The following AHNAK2 variants were observed in gnomAD, a reference collection of about 807,000 sequenced individuals.
AHNAK2 encodes the protein protein AHNAK2.
In AHNAK2, 18 loss-of-function variants were observed where a neutral mutation model predicts 30.7. That is an observed-to-expected ratio of 0.59 (90% CI 0.41 to 0.87). The LOEUF is 0.87. Among genes scored for constraint, AHNAK2 ranks in the 40% least tolerant of loss-of-function variants. AHNAK2 has a pLI of 0.00. For missense variants in AHNAK2, 8,604 were observed against 7,373.0 expected, an observed-to-expected ratio of 1.17 and a Z score of -6.11; for synonymous variants, 3,590 against 3,073.8, an observed-to-expected ratio of 1.17 and a Z score of -5.56.
chr14:104,940,383 A>G lies in AHNAK2; in HGVS notation c.15068T>C (p.Met5023Thr). The G allele has an allele frequency of 6.2e-7, 1 of 1,613,870 alleles. No individual in the cohort carries two copies. Among genetic ancestry groups the G allele is most frequent in the Non-Finnish European group, 8.5e-7 (1 of 1,179,868 alleles). ...KGRSTKPGFAMPKLALPKMKA... is the reference protein window; with the variant it reads ...KGRSTKPGFATPKLALPKMKA... ...CATTTTGGGAAGTGCAAGTTTTGGC[A>G]TGGCAAAGCCAGGCTTTGTGCTCCT... Residue 5023 changes from methionine to threonine, a missense_variant, in exon 7 of 7, where the codon ATG (methionine) becomes ACG (threonine). Coordinates refer to ENST00000333244, the MANE Select transcript of AHNAK2 (RefSeq NM_138420.4). The surrounding 1 kb of genome is among the most constrained non-coding windows in gnomAD (Gnocchi z 4.4).
chr14:104,973,471 C>T (rs1899526441), intron 1 of AHNAK2, among the ~76,000 whole-genome samples: 1 of 152,204 alleles, frequency 6.6e-6, no homozygotes, highest in Non-Finnish European at 1.5e-5. Flanking sequence ...AGGCTGTGGC[C>T]CTAAACAAAG....
rs1427200170 is a variant in AHNAK2, at chr14:104,950,379, T to G, written c.5072A>C (p.Asp1691Ala). 2.5e-6 allele frequency: 4 copies of G among 1,585,794 alleles called. 1 individual carries two copies. The African/African-American group carries it at 5.5e-5, about 22-fold the overall frequency. Residue 1691 changes from aspartate (D) to alanine (A), a missense_variant, in exon 7 of 7, where the codon GAT becomes GCT. Coordinates refer to ENST00000333244, the MANE Select transcript of AHNAK2 (RefSeq NM_138420.4). ...VDVSEPKVEA[D>A]VSLPSMQGDL... ...CCCCTGCATGGAGGGGAGGCTCACA[T>G]CAGCTTCCACCTTCGGCTCAGACAC...
In AHNAK2 at chr14:104,946,749, A is replaced by T. The variant is rs1192316467; in HGVS notation, c.8702T>A (p.Met2901Lys). 6.2e-7 allele frequency: 1 copy of T among 1,612,534 alleles called. No individual in the cohort carries two copies. The highest frequency in any genetic ancestry group is 8.5e-7 in the Non-Finnish European group (1 of 1,179,460). Residue 2901 changes from methionine to lysine, a missense_variant, in exon 7 of 7, where the codon ATG becomes AAG. Transcript: ENST00000333244. ...CACTTTGGGCATCTTGAAACTGGGC[A>T]TCTGCACCTTGGGCAGGTGCCCTTT... ...GLKGHLPKVQ[M>K]PSFKMPKVDL...
At position 104,946,486 on chromosome 14, in the gene AHNAK2, C is replaced by G. The variant is rs372969166; in HGVS notation, c.8965G>C (p.Gly2989Arg). 230 of 1,611,910 alleles carry G rather than the reference C, an allele frequency of 1.4e-4. 1 individual carries two copies. Among genetic ancestry groups the G allele is most frequent in the Non-Finnish European group, 1.9e-4 (222 of 1,179,278 alleles). The change falls in exon 7 of 7, where the codon GGG becomes CGG. Residue 2989 changes from glycine (G) to arginine (R), a missense_variant. Transcript: ENST00000333244. ...ATGGACTTGCCTGGGGCAGACACCC[C>G]GAACGACGGCATCTTGAACTTGGGC... The part of the protein sequence containing the change: ...KMPKFKMPSF[G>R]VSAPGKSIEV...
intron 1 of AHNAK2, among the ~76,000 whole-genome samples, chr14:104,965,246 C>A (rs1275110098): frequency 6.6e-6 from 1 of 151,796 alleles, no homozygotes; most frequent in Non-Finnish European, 1.5e-5. Flanking sequence ...ACTAAAAATA[C>A]AAAAATTAGC....
Position 104,944,700 on chromosome 14 carries a change from T to TC in AHNAK2, c.10750dup (p.Asp3584GlyfsTer45). The TC allele has an allele frequency of 6.2e-7, 1 of 1,612,548 alleles. No individual in the cohort carries two copies. The highest frequency in any genetic ancestry group is 8.5e-7 in the Non-Finnish European group (1 of 1,179,450). ...CACTTCTGCCTTGGGGCCTTTCAGG[T>TC]CCAGCTTGGGGCCCTTAACATCTAT... On this transcript the variant is annotated frameshift_variant, in exon 7 of 7. Transcript: ENST00000333244. LOFTEE classifies it low-confidence loss of function (END_TRUNC).
In AHNAK2 at chr14:104,941,127, G is replaced by C. The variant is rs1355070969; in HGVS notation, c.14324C>G (p.Thr4775Ser). 1.4e-5 allele frequency: 22 copies of C among 1,613,520 alleles called. No homozygotes were observed. Among genetic ancestry groups the C allele is most frequent in the Non-Finnish European group, 1.9e-5 (22 of 1,179,904 alleles). The change falls in exon 7 of 7, where the codon ACT becomes AGT. Residue 4775 changes from threonine to serine, a missense_variant. Coordinates refer to ENST00000333244, the MANE Select transcript of AHNAK2 (RefSeq NM_138420.4). ...AGFPSSRLDL[T>S]GPHFESSILS... ...AATAGAAGATTCAAAGTGAGGACCA[G>C]TGAGATCAAGCCGGGATGATGGAAA... is the stretch of plus-strand genomic sequence containing the variant.
In AHNAK2 at chr14:104,948,555, C is replaced by T. The variant is rs367959314; in HGVS notation, c.6896G>A (p.Arg2299Gln). The T allele has an allele frequency of 1.5e-4, 245 of 1,612,016 alleles. 3 individuals are homozygous for T. In the South Asian group the frequency reaches 1.8e-3, roughly 12 times the overall value. Residue 2299 changes from arginine (R) to glutamine (Q), a missense_variant, in exon 7 of 7, where the codon CGG becomes CAG. Transcript: ENST00000333244. ...GGCCAGGGACATGTCCCCCTCCAGC[C>T]GCGCACCATCCAGCTTGGCTCCTGG... is the stretch of plus-strand genomic sequence containing the variant. ...KAPGAKLDGARLEGDMSLADK... is the reference protein window; with the variant it reads ...KAPGAKLDGAQLEGDMSLADK...
chr14:104,945,408 T>C lies in AHNAK2; in HGVS notation c.10043A>G (p.Gln3348Arg). 1 of 1,613,110 alleles carries C rather than the reference T, an allele frequency of 6.2e-7. No individual in the cohort carries two copies. Residue 3348 changes from glutamine to arginine, a missense_variant, in exon 7 of 7, where the codon CAG becomes CGG. Coordinates refer to ENST00000333244, the MANE Select transcript of AHNAK2 (RefSeq NM_138420.4). ...GAGGTCAGTGGTCTTGAGGTCCCCC[T>C]GCATGGAGGGGAGGCTCACGTCGGC... ...AEADVSLPSMQGDLKTTDLSI... is the reference protein window; with the variant it reads ...AEADVSLPSMRGDLKTTDLSI...
At position 104,951,005 on chromosome 14, in the gene AHNAK2, G is replaced by C. The variant is rs373017489; in HGVS notation, c.4446C>G (p.Ala1482=). Reference sequence around the variant, plus strand: ...TGTCTTTGGTAGTCAAGTCCTTGTCGGCCAGGGACATGTCCTCCTCCAGCC... The same window carrying C: ...TGTCTTTGGTAGTCAAGTCCTTGTCCGCCAGGGACATGTCCTCCTCCAGCC... ...GGRLEEDMSL[A]DKDLTTKDSK... is the part of the protein sequence containing the mutation. Residue 1482 remains alanine, a synonymous_variant, in exon 7 of 7, where the codon GCC becomes GCG. Coordinates refer to ENST00000333244, the MANE Select transcript of AHNAK2 (RefSeq NM_138420.4). 7 of 1,062,080 alleles carry C rather than the reference G, an allele frequency of 6.6e-6. 2 individuals carry two copies. Among genetic ancestry groups the C allele is most frequent in the African/African-American group, 2.9e-5 (2 of 68,294 alleles). 65.8% of individuals were successfully genotyped at this position (1,062,080 alleles called of 1,614,324 possible). A position where few individuals can be genotyped will look rare whatever the true frequency, so the allele number is the denominator to read the frequency against.
chr14:104,946,528 C>T lies in AHNAK2; in HGVS notation c.8923G>A (p.Asp2975Asn). The T allele has an allele frequency of 6.2e-7, 1 of 1,612,540 alleles. No individual in the cohort carries two copies. The highest frequency in any genetic ancestry group is 2.2e-5 in the East Asian group (1 of 44,736). Reference sequence around the variant, plus strand: ...AACTTGGGCATTTTGAACTTGCTGTCTTTGGCAGTCACATCCTTGTCGGCC... The same window carrying T: ...AACTTGGGCATTTTGAACTTGCTGTTTTTGGCAGTCACATCCTTGTCGGCC... ...SLADKDVTAK[D>N]SKFKMPKFKM... The change falls in exon 7 of 7, where the codon GAC becomes AAC. Residue 2975 changes from aspartate (D) to asparagine (N), a missense_variant. Physicochemically the swap from Asp to Asn is conservative, Grantham distance 23. Coordinates refer to ENST00000333244, the MANE Select transcript of AHNAK2 (RefSeq NM_138420.4).
In AHNAK2 at chr14:104,953,363, G is replaced by C. The variant is rs747585990; in HGVS notation, c.2088C>G (p.Ala696=). 3.1e-6 allele frequency: 5 copies of C among 1,613,602 alleles called. No homozygotes were observed. The highest frequency in any genetic ancestry group is 3.3e-5 in the Admixed American group (2 of 59,988). The change falls in exon 7 of 7, where the codon GCC becomes GCG. Residue 696 remains alanine, a synonymous_variant. Transcript: ENST00000333244. ...GASAPGKSME[A]SVDVSAPKVE... ...CCTTCGGCGCAGACACATCCACCGA[G>C]GCCTCCATGGACTTGCCTGGGGCTG...
intron 1 of AHNAK2, among the ~76,000 whole-genome samples, chr14:104,972,780 T>C (rs1304850443): frequency 2.0e-5 from 3 of 152,182 alleles, no homozygotes; most frequent in Non-Finnish European, 2.9e-5. Context: ...TGGGGCACCC[T>C]CCCAGCTCAG....
At position 104,938,848 on chromosome 14, in the gene AHNAK2, A is replaced by G; in HGVS notation, c.16603T>C (p.Tyr5535His). ...IPEPHTQARV[Y>H]TTMTQHSRTQ... Reference sequence around the variant, plus strand: ...CTAGAGTGTTGAGTCATTGTTGTGTACACTCTAGCCTGCGTGTGGGGCTCT... The same window carrying G: ...CTAGAGTGTTGAGTCATTGTTGTGTGCACTCTAGCCTGCGTGTGGGGCTCT... The change falls in exon 7 of 7, where the codon TAC becomes CAC. Residue 5535 changes from tyrosine to histidine, a missense_variant. Coordinates refer to ENST00000333244, the MANE Select transcript of AHNAK2 (RefSeq NM_138420.4). 1 of 1,613,858 alleles carries G rather than the reference A, an allele frequency of 6.2e-7. No individual in the cohort carries two copies. Among genetic ancestry groups the G allele is most frequent in the Non-Finnish European group, 8.5e-7 (1 of 1,179,880 alleles).
rs756107652 is a variant in AHNAK2, at chr14:104,954,745, C to T, written c.706G>A (p.Asp236Asn). The T allele has an allele frequency of 1.2e-6, 2 of 1,604,578 alleles. No individual in the cohort carries two copies. Among genetic ancestry groups the T allele is most frequent in the African/African-American group, 1.3e-5 (1 of 74,510 alleles). ...GAGATGAGTCTCTCTTGGTCCCCAT[C>T]TCCTTCCAGAGTTTTCGTGGGGGTC... ...RETPTKTLEG[D>N]GDQERLISKP... Residue 236 changes from aspartate to asparagine, a missense_variant, in exon 7 of 7, where the codon GAT becomes AAT. By Grantham distance (23) the Asp-to-Asn change is conservative. Transcript: ENST00000333244. This position sits in a 1 kb window ranked among gnomAD's most constrained non-coding sequence, Gnocchi z 4.3.
In AHNAK2 at chr14:104,938,432, A is replaced by C. The variant is rs780730336; in HGVS notation, c.17019T>G (p.Ala5673=). ...GTGCCTCAGGCTGTGTTTGAATGGGAGCAGATCTCTGGACGTCATTTTTGG... is the reference window on the plus strand; with the variant it reads ...GTGCCTCAGGCTGTGTTTGAATGGGCGCAGATCTCTGGACGTCATTTTTGG... ...VDSKNDVQRS[A]PIQTQPEARP... is the part of the protein sequence containing the mutation. Residue 5673 remains alanine, a synonymous_variant, in exon 7 of 7, where the codon GCT becomes GCG. Coordinates refer to ENST00000333244, the MANE Select transcript of AHNAK2 (RefSeq NM_138420.4). 6.2e-7 allele frequency: 1 copy of C among 1,613,830 alleles called. No homozygotes were observed. Among genetic ancestry groups the C allele is most frequent in the South Asian group, 1.1e-5 (1 of 91,060 alleles).
chr14:104,957,652 G>T lies in AHNAK2; in HGVS notation c.76C>A (p.Pro26Thr), dbSNP rs1425830200. Reference protein sequence around the residue: ...PGSVSGRQLQPGEPGAETEDD... With the variant: ...PGSVSGRQLQTGEPGAETEDD... ...TCCGTTTCTGCACCTGGCTCCCCGG[G>T]CTGCAGCTGACGGCCGGACACTGCA... Residue 26 changes from proline (P) to threonine (T), a missense_variant, in exon 2 of 7, where the codon CCC becomes ACC. Physicochemically the swap from Pro to Thr is conservative, Grantham distance 38. Coordinates refer to ENST00000333244, the MANE Select transcript of AHNAK2 (RefSeq NM_138420.4). 6.2e-7 allele frequency: 1 copy of T among 1,611,072 alleles called. No individual in the cohort carries two copies. Among genetic ancestry groups the T allele is most frequent in the South Asian group, 1.1e-5 (1 of 90,594 alleles).
rs200693604 is a variant in AHNAK2, at chr14:104,951,163, C to G, written c.4288G>C (p.Glu1430Gln). 9.4e-7 allele frequency: 1 copy of G among 1,066,824 alleles called. No homozygotes were observed. The highest frequency in any genetic ancestry group is 2.3e-5 in the East Asian group (1 of 43,554). 66.1% of individuals were successfully genotyped at this position (1,066,824 alleles called of 1,614,324 possible). The part of the protein sequence containing the change: ...KVPKVDLKGP[E>Q]IDIKGPKLDL... ...AGCTTGGGGCCCTTGATGTCTATTT[C>G]AGGGCCCTTGAGGTCCACTTTGGGC... The change falls in exon 7 of 7, where the codon GAA becomes CAA. Residue 1430 changes from glutamate to glutamine, a missense_variant. By Grantham distance (29) the Glu-to-Gln change is conservative. Coordinates refer to ENST00000333244, the MANE Select transcript of AHNAK2 (RefSeq NM_138420.4).
rs201915874 is a variant in AHNAK2, at chr14:104,951,817, T to A, written c.3634A>T (p.Ser1212Cys). 6.0e-5 allele frequency: 91 copies of A among 1,518,016 alleles called. 11 individuals carry two copies. In the Admixed American group the frequency reaches 1.2e-3, roughly 21 times the overall value. 94.0% of individuals were successfully genotyped at this position (1,518,016 alleles called of 1,614,324 possible). Residue 1212 changes from serine to cysteine, a missense_variant, in exon 7 of 7, where the codon AGC becomes TGC. By Grantham distance (112) the Ser-to-Cys change is moderately radical. Coordinates refer to ENST00000333244, the MANE Select transcript of AHNAK2 (RefSeq NM_138420.4). ...MQGDLKTTDL[S>C]IQPPSADLEV... ...AGGTCAGCGGAAGGGGGCTGAATGCTGAGGTCAGTGGTCTTGAGGTCCCCC... is the reference window on the plus strand; with the variant it reads ...AGGTCAGCGGAAGGGGGCTGAATGCAGAGGTCAGTGGTCTTGAGGTCCCCC...
Sources: allele counts gnomAD v4.1 joint callset (sites outside exome capture counted in the v4.1 genomes callset), GRCh38; gene constraint gnomAD v4.1.1; non-coding constraint Gnocchi (gnomAD v3.1); transcripts MANE v1.5; gene names NCBI Gene and HGNC (gene_info 2026-07-23, HGNC 2026-07-21).